The following TRABD2A variants were observed in gnomAD, a reference collection of about 807,000 sequenced individuals.
The protein encoded by TRABD2A is TraB domain containing 2A, also known as metalloprotease TIKI1.
A neutral mutation model predicts 45.6 loss-of-function variants in TRABD2A; 43 were observed. The observed-to-expected ratio is 0.94, with a 90% CI of 0.74 to 1.22. The LOEUF (loss-of-function observed/expected upper bound fraction) is 1.22. Ranked by LOEUF, TRABD2A falls within the 50% of genes most tolerant of loss-of-function variation. TRABD2A has a pLI of 0.00. For missense variants in TRABD2A, 642 were observed against 652.4 expected, an observed-to-expected ratio of 0.98 and a Z score of 0.17; for synonymous variants, 269 against 265.0, an observed-to-expected ratio of 1.02 and a Z score of -0.15.
rs753504438 is a variant in TRABD2A at position 84,870,673 on chromosome 2, G to A, written c.221C>T (p.Ser74Phe). 1 of 1,608,844 alleles carries A rather than the reference G, an allele frequency of 6.2e-7. No homozygotes were observed. Among genetic ancestry groups the A allele is most frequent in the East Asian group, 2.2e-5 (1 of 44,772 alleles). ...TRVWDFIPDN[S>F]KEAFLQSSIV... ...GCTGCTCTGCAGGAAAGCCTCCTTA[G>A]AGTTGTCGGGGATGAAGTCCCAAAC... The change falls in exon 2 of 7, where the codon TCT becomes TTT. Residue 74 changes from serine to phenylalanine, a missense_variant. Coordinates refer to ENST00000409520, the MANE Select transcript of TRABD2A (RefSeq NM_001277053.2).
Position 84,870,378 on chromosome 2 carries a change from G to T in TRABD2A, c.516C>A (p.Val172=), listed in dbSNP as rs1317836915. The T allele has an allele frequency of 1.2e-6, 2 of 1,614,032 alleles. No homozygotes were observed. The highest frequency in any genetic ancestry group is 2.2e-5 in the East Asian group (1 of 44,888). Residue 172 remains valine, a synonymous_variant, in exon 2 of 7, where the codon GTC becomes GTA. Transcript: ENST00000409520. ...RKRPVWVMLM[V]NSLTEVDIKS... ...TAATGTCCACTTCAGTCAGGGAGTT[G>T]ACCATGAGCATCACCCAGACAGGCC...
At chr2:84,863,184 G>A (rs1573946408) in intron 2 of TRABD2A, among the ~76,000 whole-genome samples, 2 of 148,246 alleles carry the variant, frequency 1.3e-5, no homozygotes, top group South Asian at 4.4e-4. Context: ...ATGTAAAAAA[G>A]CAAAAGACTG....
intron 1 of TRABD2A, among the ~76,000 whole-genome samples, chr2:84,876,745 T>G (rs897876845): frequency 6.6e-6 from 1 of 152,236 alleles, no homozygotes; most frequent in Non-Finnish European, 1.5e-5. Context: ...GTATTGTTGC[T>G]GAGGAGCACC....
At chr2:84,823,918 G>T in intron 6 of TRABD2A, 35 bp downstream of exon 6, 1 of 1,610,704 alleles carries the variant, frequency 6.2e-7, no homozygotes, top group East Asian at 2.2e-5. Context: ...TAGGGTAAAG[G>T]TGGATGCCAA....
chr2:84,824,094 G>A lies in TRABD2A; in HGVS notation c.1193C>T (p.Thr398Met), dbSNP rs750944359. Residue 398 changes from threonine (T) to methionine (M), a missense_variant, in exon 6 of 7, where the codon ACG becomes ATG. By Grantham distance (81) the Thr-to-Met change is moderately conservative. Transcript: ENST00000409520. ...AGGCCGGGACACAAGGGGAGGCAGC[G>A]TTGAGTGCCCTGAGGATACGGCTTC... ...APEAVSSGHS[T>M]LPPLVSRPGS... 159 of 1,613,788 alleles carry A rather than the reference G, an allele frequency of 9.9e-5. No individual in the cohort carries two copies. Among genetic ancestry groups the A allele is most frequent in the Non-Finnish European group, 1.3e-4 (152 of 1,179,828 alleles).
chr2:84,826,955 T>A (rs890996843), intron 5 of TRABD2A, among the ~76,000 whole-genome samples: 1 of 152,170 alleles, frequency 6.6e-6, no homozygotes, highest in African/African-American at 2.4e-5. Flanking sequence ...TCCAGGGAGA[T>A]CCTACAGACA....
rs1035162843 is a variant in TRABD2A at position 84,861,102 on chromosome 2, G to A, written c.669+9123C>T. 8.5e-5 allele frequency among the ~76,000 whole-genome samples: 13 copies of A among 152,190 alleles called. No individual in the cohort carries two copies. In the South Asian group the frequency reaches 1.2e-3, roughly 15 times the overall value. Reference sequence around the variant, plus strand: ...CTGGCGATCGATTTACAGGGCCGTAGATCGATTTACAGGGAGGTGAGGCCA... The same window carrying A: ...CTGGCGATCGATTTACAGGGCCGTAAATCGATTTACAGGGAGGTGAGGCCA... On this transcript the variant is annotated intron_variant, in intron 2 of 6. Coordinates refer to ENST00000409520, the MANE Select transcript of TRABD2A (RefSeq NM_001277053.2).
chr2:84,860,481 T>C (rs530361405), intron 2 of TRABD2A, among the ~76,000 whole-genome samples: 2 of 152,336 alleles, frequency 1.3e-5, no homozygotes, highest in South Asian at 4.1e-4. Flanking sequence ...TTGCCGACAC[T>C]AGAAATTCTC....
chr2:84,861,137 T>C (rs894226497), intron 2 of TRABD2A, among the ~76,000 whole-genome samples: 15 of 152,306 alleles, frequency 9.8e-5, no homozygotes, highest in African/African-American at 3.4e-4. Context: ...AATAGGGCTT[T>C]ACCTTTGGCA....
chr2:84,826,967 A>G (rs1289237236), intron 5 of TRABD2A, among the ~76,000 whole-genome samples: 1 of 152,218 alleles, frequency 6.6e-6, no homozygotes, highest in African/African-American at 2.4e-5. Context: ...CTACAGACAA[A>G]TGCTCACATG....
chr2:84,842,217 C>T (rs1407009394), intron 2 of TRABD2A, among the ~76,000 whole-genome samples: 1 of 152,140 alleles, frequency 6.6e-6, no homozygotes, highest in Non-Finnish European at 1.5e-5. Flanking sequence ...TCAGACACAC[C>T]TAGGGAACTG....
intron 2 of TRABD2A, chr2:84,851,101 C>G (rs1414319507): frequency 6.6e-6 from 1 of 152,304 alleles, no homozygotes; most frequent in Non-Finnish European, 1.5e-5. Context: ...GTGTCTGCTT[C>G]AGATACACAG....
intron 2 of TRABD2A, among the ~76,000 whole-genome samples, chr2:84,846,234 C>G (rs1681891372): frequency 6.6e-6 from 1 of 152,112 alleles, no homozygotes; most frequent in African/African-American, 2.4e-5. Context: ...TGCTAAAAAC[C>G]ACAGAAATGT....
chr2:84,871,379 T>C (rs1573955318), intron 1 of TRABD2A, among the ~76,000 whole-genome samples: 1 of 152,122 alleles, frequency 6.6e-6, no homozygotes, highest in Non-Finnish European at 1.5e-5. Context: ...GCTTCAACTC[T>C]AGCTATGCAC....
chr2:84,829,382 A>G (rs1681244858), intron 5 of TRABD2A, among the ~76,000 whole-genome samples: 1 of 147,412 alleles, frequency 6.8e-6, no homozygotes, highest in Non-Finnish European at 1.5e-5. Flanking sequence ...ACACACACAC[A>G]CACACACACA....
At chr2:84,863,597 CT>C (rs55952015) in intron 2 of TRABD2A, among the ~76,000 whole-genome samples, 2,660 of 77,918 alleles carry the variant, frequency 0.034, 5 homozygotes, top group Non-Finnish European at 0.045. Flanking sequence ...TTCAAATTTT[CT>C]TTTTTTTTTT....
chr2:84,840,673 C>T (rs1171246805), intron 3 of TRABD2A, among the ~76,000 whole-genome samples: 1 of 152,250 alleles, frequency 6.6e-6, no homozygotes, highest in African/African-American at 2.4e-5. Flanking sequence ...CTTCAAATGT[C>T]AATTTCCCAA....
intron 4 of TRABD2A, chr2:84,833,597 C>T (rs908336666): frequency 3.3e-5 from 5 of 152,104 alleles, no homozygotes; most frequent in Non-Finnish European, 5.9e-5. Flanking sequence ...AGTTTGCTAA[C>T]CACACAGCTT....
intron 2 of TRABD2A, among the ~76,000 whole-genome samples, chr2:84,856,137 A>G (rs560300853): frequency 6.6e-6 from 1 of 152,238 alleles, no homozygotes; most frequent in South Asian, 2.1e-4. Context: ...CCCTTGAAGT[A>G]TAGTTAAGAA....
Sources: allele counts gnomAD v4.1 joint callset (sites outside exome capture counted in the v4.1 genomes callset), GRCh38; gene constraint gnomAD v4.1.1; transcripts MANE v1.5; gene names NCBI Gene and HGNC (gene_info 2026-07-23, HGNC 2026-07-21).